RANBP2: variants seen among roughly 807,000 people sequenced by gnomAD.
The protein encoded by RANBP2 is RAN binding protein 2.
In RANBP2, 57 loss-of-function variants were observed where a neutral mutation model predicts 303.6. The observed-to-expected ratio is 0.19, with a 90% CI of 0.15 to 0.23. The LOEUF is 0.23. Ranked by LOEUF, RANBP2 falls within the 10% of genes least tolerant of loss-of-function variation. RANBP2 has a pLI of 1.00. For missense variants in RANBP2, 3,138 were observed against 3,780.8 expected (o/e 0.83, Z 4.46); for synonymous variants, 1,167 against 1,301.5 (o/e 0.90, Z 2.23).
chr2:108,879,627 A>G, the RANBP2 span, among the ~76,000 whole-genome samples: 1 of 152,330 alleles, frequency 6.6e-6, no homozygotes, highest in South Asian at 2.1e-4. Flanking sequence ...CTAAGTTTTT[A>G]GTATATTATT....
At chr2:109,423,019 C>G in the RANBP2 span, among the ~76,000 whole-genome samples, 1 of 152,162 alleles carries the variant, frequency 6.6e-6, no homozygotes, top group Non-Finnish European at 1.5e-5. Flanking sequence ...GGCACAGAGC[C>G]TTGGTCTGGG....
chr2:109,471,923 CAGCAGTT>C, the RANBP2 span, among the ~76,000 whole-genome samples: 1 of 152,176 alleles, frequency 6.6e-6, no homozygotes, highest in Non-Finnish European at 1.5e-5. Context: ...GCTGTGTGAA[CAGCAGTT>C]CATGTAACTT....
the RANBP2 span, among the ~76,000 whole-genome samples, chr2:109,295,151 G>A: frequency 2.0e-5 from 3 of 152,212 alleles, no homozygotes; most frequent in African/African-American, 7.2e-5. Flanking sequence ...GAGCACCCAC[G>A]CCTGGCCTGC....
the RANBP2 span, among the ~76,000 whole-genome samples, chr2:109,727,312 G>T: frequency 6.6e-6 from 1 of 152,182 alleles, no homozygotes; most frequent in Non-Finnish European, 1.5e-5. Flanking sequence ...GGGAAACGAT[G>T]AACTTTTTGA....
chr2:109,733,168 T>C, the RANBP2 span: 1 of 404,018 alleles, frequency 2.5e-6, no homozygotes, highest in Non-Finnish European at 4.9e-6. Context: ...TCGTAGCCCA[T>C]CTAGGTCAAA....
chr2:109,185,321 A>G, the RANBP2 span, among the ~76,000 whole-genome samples: 1 of 152,238 alleles, frequency 6.6e-6, no homozygotes, highest in African/African-American at 2.4e-5. Flanking sequence ...GTGTGTTTGC[A>G]TATTTTTTTA....
chr2:108,901,012 A>T, the RANBP2 span, among the ~76,000 whole-genome samples: 48 of 152,324 alleles, frequency 3.2e-4, no homozygotes, highest in African/African-American at 1.1e-3. Context: ...AGAATATAGA[A>T]CTTACCAACA....
At chr2:109,394,042 C>T in the RANBP2 span, among the ~76,000 whole-genome samples, 2 of 152,286 alleles carry the variant, frequency 1.3e-5, no homozygotes, top group East Asian at 1.9e-4. Context: ...AGAGAGTCTT[C>T]TCTATTCAAC....
At chr2:108,976,611 T>C in the RANBP2 span, among the ~76,000 whole-genome samples, 5 of 152,326 alleles carry the variant, frequency 3.3e-5, no homozygotes, top group Admixed American at 2.6e-4. Flanking sequence ...GACCTGCCTC[T>C]TCTCTGTTAT....
the RANBP2 span, among the ~76,000 whole-genome samples, chr2:109,623,907 C>T: frequency 6.6e-6 from 1 of 152,180 alleles, no homozygotes; most frequent in Admixed American, 6.5e-5. Flanking sequence ...GGGGTCTGGA[C>T]AGCCAAGAGG....
the RANBP2 span, among the ~76,000 whole-genome samples, chr2:109,254,894 G>A: frequency 6.6e-6 from 1 of 152,206 alleles, no homozygotes; most frequent in Admixed American, 6.5e-5. Context: ...CAGCGAGACA[G>A]TACGCTCCAT....
chr2:108,886,005 G>A, the RANBP2 span, among the ~76,000 whole-genome samples: 2 of 151,954 alleles, frequency 1.3e-5, no homozygotes, highest in Non-Finnish European at 2.9e-5. Flanking sequence ...TTATCCATTC[G>A]TCCGCTGATG....
At chr2:109,401,246 G>C in the RANBP2 span, among the ~76,000 whole-genome samples, 1 of 152,200 alleles carries the variant, frequency 6.6e-6, no homozygotes, top group East Asian at 1.9e-4. Context: ...AGCAACTGTT[G>C]GCGATGTGAA....
chr2:109,254,481 A>G, the RANBP2 span, among the ~76,000 whole-genome samples: 5 of 152,144 alleles, frequency 3.3e-5, no homozygotes, highest in African/African-American at 1.2e-4. Flanking sequence ...TTGCATGTAA[A>G]TGTTACCAGC....
the RANBP2 span, among the ~76,000 whole-genome samples, chr2:109,657,712 GAGTTT>G: frequency 1.5e-5 from 2 of 130,176 alleles, no homozygotes; most frequent in Admixed American, 1.7e-4. Context: ...TGAATTAGCT[GAGTTT>G]TTTTTTTTTT....
chr2:109,247,311 C>T, the RANBP2 span, among the ~76,000 whole-genome samples: 2 of 152,128 alleles, frequency 1.3e-5, no homozygotes, highest in African/African-American at 2.4e-5. Flanking sequence ...CTTTCTTGAG[C>T]CCTTTATCCA....
the RANBP2 span, among the ~76,000 whole-genome samples, chr2:109,319,896 C>T: frequency 2.6e-5 from 4 of 152,324 alleles, 1 homozygote; most frequent in Middle Eastern, 3.4e-3. Flanking sequence ...CCTAGAAATC[C>T]CCCGGTGGTT....
chr2:109,053,830 A>AC, the RANBP2 span, among the ~76,000 whole-genome samples: 1 of 143,882 alleles, frequency 7.0e-6, no homozygotes, highest in South Asian at 2.2e-4. Context: ...TCCCTCTCCC[A>AC]CCCCCTCCCC....
At chr2:108,910,419 A>C in the RANBP2 span, 1 of 1,538,520 alleles carries the variant, frequency 6.5e-7, no homozygotes, top group Non-Finnish European at 9.0e-7. Flanking sequence ...CAGGATCCAC[A>C]GGACCCCAGC....
Sources: allele counts gnomAD v4.1 joint callset (sites outside exome capture counted in the v4.1 genomes callset), GRCh38; gene constraint gnomAD v4.1.1; transcripts MANE v1.5; gene names NCBI Gene and HGNC (gene_info 2026-07-23, HGNC 2026-07-21).